The following TET1 variants were observed in gnomAD, a reference collection of about 807,000 sequenced individuals.
TET1 encodes the protein tet methylcytosine dioxygenase 1, also known as methylcytosine dioxygenase TET1.
TET1 carries 13 observed loss-of-function variants against 148.7 expected under a neutral mutation model. The observed-to-expected ratio is 0.09, with a 90% CI of 0.06 to 0.14. TET1 has a LOEUF of 0.14. TET1 is among the 10% of genes least tolerant of loss of function. The pLI is 1.00. For synonymous variants in TET1, 907 were observed against 937.2 expected, an observed-to-expected ratio of 0.97 and a Z score of 0.59; for missense variants, 2,182 against 2,553.8, an observed-to-expected ratio of 0.85 and a Z score of 3.14.
intron 2 of TET1, among the ~76,000 whole-genome samples, chr10:68,589,919 G>C (rs1480775777): frequency 6.6e-6 from 1 of 152,040 alleles, no homozygotes; most frequent in African/African-American, 2.4e-5. Flanking sequence ...CCTTCTGCCT[G>C]CCTTGGCTTT....
chr10:68,686,658 T>C lies in TET1; in HGVS notation c.5355T>C (p.Asn1785=). ...CTATTCCCCGAATCAAGCGGAAGAA[T>C]AACTCAACAACAACAAACAACAGTA... ...KKPIPRIKRK[N]NSTTTNNSKP... is the part of the protein sequence containing the mutation. The change falls in exon 11 of 12, where the codon AAT becomes AAC. Residue 1785 remains asparagine, a synonymous_variant. Coordinates refer to ENST00000373644, the MANE Select transcript of TET1 (RefSeq NM_030625.3). 1 of 1,614,156 alleles carries C rather than the reference T, an allele frequency of 6.2e-7. No homozygotes were observed. The highest frequency in any genetic ancestry group is 8.5e-7 in the Non-Finnish European group (1 of 1,180,028).
At position 68,644,967 on chromosome 10, in the gene TET1, C is replaced by G; in HGVS notation, c.2238C>G (p.Thr746=). 6.2e-7 allele frequency: 1 copy of G among 1,613,396 alleles called. No homozygotes were observed. The highest frequency in any genetic ancestry group is 8.5e-7 in the Non-Finnish European group (1 of 1,179,690). The change falls in exon 4 of 12, where the codon ACC becomes ACG. Residue 746 remains threonine (T), a synonymous_variant. Transcript: ENST00000373644. Reference sequence around the variant, plus strand: ...ACTCTGAAGTTGACAAGAAACGAACCAAATCTCCAAAATTGTTTGTACAAA... The same window carrying G: ...ACTCTGAAGTTGACAAGAAACGAACGAAATCTCCAAAATTGTTTGTACAAA... ...SKNSEVDKKR[T]KSPKLFVQTV... is the part of the protein sequence containing the mutation.
In TET1 at chr10:68,673,960, C is replaced by CTTT. The variant is rs869073350; in HGVS notation, c.4824+931_4824+933dup. Among the ~76,000 whole-genome samples, 302 of 72,416 alleles carry CTTT rather than the reference C, an allele frequency of 4.2e-3. 3 individuals are homozygous for CTTT. The highest frequency in any genetic ancestry group is 0.015 in the African/African-American group (286 of 19,078). 47.5% of individuals were successfully genotyped at this position (72,416 alleles called of 152,430 possible). A position where few individuals can be genotyped will look rare whatever the true frequency, so the allele number is the denominator to read the frequency against. ...CTTTTTTTTTTTTCTTTTTCTTTTT[C>CTTT]TTTTTTTTTTTTTTTTTTGAGACAG... On this transcript the variant is annotated intron_variant, in intron 8 of 11. Coordinates refer to ENST00000373644, the MANE Select transcript of TET1 (RefSeq NM_030625.3).
chr10:68,630,362 A>G (rs10823240), intron 3 of TET1, among the ~76,000 whole-genome samples: 74,451 of 152,050 alleles, frequency 0.49, 19,201 homozygotes, highest in Non-Finnish European at 0.58. Context: ...CCCAGGCTGG[A>G]GGGCAGTGGT....
chr10:68,577,881 A>T (rs1418955155), intron 2 of TET1, among the ~76,000 whole-genome samples: 1 of 152,146 alleles, frequency 6.6e-6, no homozygotes, highest in East Asian at 1.9e-4. Context: ...TGAGAGGCTG[A>T]GGTGGGAGGA....
intron 3 of TET1, among the ~76,000 whole-genome samples, chr10:68,609,469 C>T (rs1199623358): frequency 1.3e-5 from 2 of 152,054 alleles, no homozygotes; most frequent in Non-Finnish European, 2.9e-5. Flanking sequence ...CCAAGCCTGA[C>T]TATTTTTAAA....
intron 1 of TET1, among the ~76,000 whole-genome samples, chr10:68,561,143 G>T (rs2053547994): frequency 6.6e-6 from 1 of 152,182 alleles, no homozygotes; most frequent in African/African-American, 2.4e-5. Context: ...CCTTTGGGGA[G>T]TTGGAGGTCG....
In TET1 at chr10:68,694,053, C is replaced by A. The variant is rs2055625343; in HGVS notation, c.*2239C>A. On this transcript the variant is annotated 3_prime_UTR_variant, in exon 12 of 12. Transcript: ENST00000373644. ...AGTAGCAAATTATCTTCAGTATAAT[C>A]CATGGTAATGTATGCAGTAATTCAA... is the stretch of plus-strand genomic sequence containing the variant. 4.3e-6 allele frequency: 1 copy of A among 231,628 alleles called. No homozygotes were observed. The highest frequency in any genetic ancestry group is 8.5e-6 in the Non-Finnish European group (1 of 117,194). The allele number at this position is 231,628 out of a possible 1,614,324, so 14.3% of individuals were successfully genotyped here.
At chr10:68,585,221 C>T (rs2053847946) in intron 2 of TET1, among the ~76,000 whole-genome samples, 1 of 152,124 alleles carries the variant, frequency 6.6e-6, no homozygotes, top group South Asian at 2.1e-4. Flanking sequence ...TCAGGCTGGT[C>T]TTGAACTCCT....
chr10:68,609,705 T>C (rs1209915950), intron 3 of TET1, among the ~76,000 whole-genome samples: 1 of 152,212 alleles, frequency 6.6e-6, no homozygotes, highest in African/African-American at 2.4e-5. Context: ...AAATCAGATA[T>C]TAAATAATAA....
intron 3 of TET1, among the ~76,000 whole-genome samples, chr10:68,609,423 A>G (rs899192020): frequency 2.0e-5 from 3 of 151,918 alleles, no homozygotes; most frequent in Non-Finnish European, 4.4e-5. Context: ...GGCCTCCCAA[A>G]GTGCTGGGAT....
chr10:68,669,181 G>A (rs181067181), intron 7 of TET1, among the ~76,000 whole-genome samples: 16 of 152,098 alleles, frequency 1.1e-4, no homozygotes, highest in Admixed American at 3.9e-4. Flanking sequence ...GGAGTTTGCC[G>A]TTACAGTGAG....
intron 6 of TET1, among the ~76,000 whole-genome samples, chr10:68,658,685 TG>T (rs1416972913): frequency 6.6e-6 from 1 of 152,188 alleles, no homozygotes; most frequent in Non-Finnish European, 1.5e-5. Context: ...GCTGTCACTT[TG>T]GATCTTGTCA....
At chr10:68,668,754 C>A (rs1001692860) in intron 7 of TET1, among the ~76,000 whole-genome samples, 1 of 152,038 alleles carries the variant, frequency 6.6e-6, no homozygotes, top group African/African-American at 2.4e-5. Flanking sequence ...CAAGGGAGGA[C>A]CACTTAAGGC....
rs138369168 is a variant in TET1, at chr10:68,649,768, A to G, written c.4277-2078A>G. Among the ~76,000 whole-genome samples, 278 of 152,210 alleles carry G rather than the reference A, an allele frequency of 1.8e-3. 2 individuals carry two copies. The highest frequency in any genetic ancestry group is 6.5e-3 in the African/African-American group (269 of 41,538). On this transcript the variant is annotated intron_variant, in intron 4 of 11. Transcript: ENST00000373644. ...AAAAGGATGATTGTCTAGTTTGAAG[A>G]CCCTTTCCTTATGCAAAATAACTAG...
intron 3 of TET1, among the ~76,000 whole-genome samples, chr10:68,615,359 T>TC (rs2054275794): frequency 2.6e-5 from 4 of 151,366 alleles, no homozygotes; most frequent in African/African-American, 9.7e-5. Flanking sequence ...TTCTTTTCTT[T>TC]TTTTGAGATG....
intron 2 of TET1, among the ~76,000 whole-genome samples, chr10:68,594,911 G>A (rs1394361995): frequency 6.6e-6 from 1 of 151,334 alleles, no homozygotes; most frequent in African/African-American, 2.4e-5. Context: ...CCCGGGAGGC[G>A]GAGGTTGCAG....
chr10:68,629,692 C>T (rs1214583547), intron 3 of TET1, among the ~76,000 whole-genome samples: 4 of 151,828 alleles, frequency 2.6e-5, no homozygotes, highest in Non-Finnish European at 5.9e-5. Flanking sequence ...TGCCTGCCAC[C>T]ACACCCGGCC....
At chr10:68,601,440 T>C (rs1015760247) in intron 3 of TET1, among the ~76,000 whole-genome samples, 2 of 152,232 alleles carry the variant, frequency 1.3e-5, no homozygotes, top group Non-Finnish European at 2.9e-5. Context: ...TTAAAGGCTA[T>C]TTTAAAATGT....
Sources: allele counts gnomAD v4.1 joint callset (sites outside exome capture counted in the v4.1 genomes callset), GRCh38; gene constraint gnomAD v4.1.1; transcripts MANE v1.5; gene names NCBI Gene and HGNC (gene_info 2026-07-23, HGNC 2026-07-21).